Variants in COX17 observed in about 807,000 individuals in gnomAD.
The protein encoded by COX17 is cytochrome c oxidase copper chaperone COX17.
COX17 carries 1 observed loss-of-function variant against 6.3 expected under a neutral mutation model. The ratio of observed to expected loss-of-function variants is 0.16; its 90% CI spans 0.06 to 0.75. The LOEUF (loss-of-function observed/expected upper bound fraction) is 0.75, where lower values mean the gene tolerates loss of function less well. Among genes scored for constraint, COX17 ranks in the 30% least tolerant of loss-of-function variants. The pLI is 0.77. For synonymous variants in COX17, 26 were observed against 30.5 expected (o/e 0.85, Z 0.49); for missense variants, 73 against 81.2 (o/e 0.90, Z 0.39).
intron 2 of COX17, among the ~76,000 whole-genome samples, chr3:119,673,346 G>T (rs1408401977): frequency 6.6e-6 from 1 of 152,184 alleles, no homozygotes; most frequent in Non-Finnish European, 1.5e-5. Context: ...TACTTTCTCA[G>T]AGCTTACATT....
intron 1 of COX17, among the ~76,000 whole-genome samples, chr3:119,676,476 G>A (rs529288983): frequency 4.6e-4 from 70 of 152,362 alleles, no homozygotes; most frequent in South Asian, 2.1e-3. Context: ...TGCTCCACAA[G>A]AGAGGCTATA....
downstream of COX17, among the ~76,000 whole-genome samples, chr3:119,666,109 C>T (rs1013136637): frequency 1.3e-5 from 2 of 149,842 alleles, no homozygotes; most frequent in Non-Finnish European, 3.0e-5. Flanking sequence ...GATATCAAAC[C>T]TGCACATGGA....
chr3:119,672,128 C>G (rs898502797), intron 2 of COX17, among the ~76,000 whole-genome samples: 2 of 152,170 alleles, frequency 1.3e-5, no homozygotes, highest in Non-Finnish European at 2.9e-5. Context: ...ATTTATTTTA[C>G]ATTGAATCAT....
chr3:119,667,995 G>T (rs1425434869), downstream of COX17, among the ~76,000 whole-genome samples: 4 of 152,024 alleles, frequency 2.6e-5, no homozygotes, highest in Admixed American at 6.6e-5. Context: ...AAAAAATAGG[G>T]TATTGGTTAA....
intron 2 of COX17, among the ~76,000 whole-genome samples, chr3:119,673,104 G>C (rs1234638020): frequency 1.3e-5 from 2 of 152,228 alleles, no homozygotes; most frequent in Non-Finnish European, 2.9e-5. Context: ...TAAGTTAAAA[G>C]TGGTAGTGTG....
chr3:119,672,926 T>C (rs1265038012), intron 2 of COX17, among the ~76,000 whole-genome samples: 1 of 152,226 alleles, frequency 6.6e-6, no homozygotes, highest in Non-Finnish European at 1.5e-5. Flanking sequence ...AGTAACTTCT[T>C]ATCAGCTTGC....
chr3:119,667,722 CACACACAGAGAGAG>C (rs1436961096), downstream of COX17, among the ~76,000 whole-genome samples: 5 of 113,994 alleles, frequency 4.4e-5, no homozygotes, highest in Admixed American at 8.9e-5. Context: ...CACACACACA[CACACACAGAGAGAG>C]AGAGACAGAG....
chr3:119,667,855 C>A (rs1388223783), downstream of COX17, among the ~76,000 whole-genome samples: 3 of 152,044 alleles, frequency 2.0e-5, no homozygotes, highest in Admixed American at 2.0e-4. Flanking sequence ...AACAAAAATT[C>A]GGAATTTAGG....
intron 2 of COX17, among the ~76,000 whole-genome samples, chr3:119,673,135 G>A (rs1559735311): frequency 6.6e-6 from 1 of 152,264 alleles, no homozygotes; most frequent in East Asian, 1.9e-4. Flanking sequence ...TAGGGTAGGG[G>A]CAAAAAGCAG....
At position 119,670,752 on chromosome 3, in the gene COX17, T is replaced by G. The variant is rs188418948; in HGVS notation, c.*5-1087A>C. Among the ~76,000 whole-genome samples the G allele has an allele frequency of 6.9e-3, 1,028 of 149,710 alleles. 6 individuals carry two copies. The highest frequency in any genetic ancestry group is 0.034 in the Middle Eastern group (10 of 294). On this transcript the variant is annotated intron_variant, in intron 2 of 2. Coordinates refer to ENST00000261070, the MANE Select transcript of COX17 (RefSeq NM_005694.2). ...GGGATATTTTCATACATGATCAGTT[T>G]TGTGTGTGTGTGTGTGTGTGTGTGT...
chr3:119,668,521 G>A (rs984942731), downstream of COX17, among the ~76,000 whole-genome samples: 5 of 150,224 alleles, frequency 3.3e-5, no homozygotes, highest in African/African-American at 7.3e-5. Context: ...TGACAATCTC[G>A]TAAGTTAGGT....
chr3:119,667,564 A>G (rs559081000), downstream of COX17, among the ~76,000 whole-genome samples: 1 of 152,188 alleles, frequency 6.6e-6, no homozygotes, highest in African/African-American at 2.4e-5. Flanking sequence ...GAAAACACGC[A>G]TGGCCTCTGG....
chr3:119,673,202 G>A (rs2053062518), intron 2 of COX17, among the ~76,000 whole-genome samples: 1 of 152,094 alleles, frequency 6.6e-6, no homozygotes, highest in Admixed American at 6.5e-5. Context: ...CCCACCTTGG[G>A]GGCCATTTCA....
intron 1 of COX17, 77 bp from the exon 2 acceptor site, chr3:119,675,310 G>T: frequency 1.0e-6 from 1 of 996,816 alleles, no homozygotes; most frequent in Non-Finnish European, 1.6e-6. Context: ...GATGGGGAGT[G>T]AGACAAAACA....
chr3:119,674,914 C>A (rs2053084090), intron 2 of COX17: 2 of 466,782 alleles, frequency 4.3e-6, no homozygotes, highest in Non-Finnish European at 7.6e-6. Flanking sequence ...GACCTAAAGG[C>A]TTTTGTCAAA....
At chr3:119,677,026 G>GGCGGGGCGGGGC (rs71156765) in intron 1 of COX17, 178 bp downstream of exon 1, 155 of 217,960 alleles carry the variant, frequency 7.1e-4, no homozygotes, top group Middle Eastern at 1.4e-3. Flanking sequence ...GGCGGGGCGG[G>GGCGGGGCGGGGC]GGGGGGGGGC....
At chr3:119,676,697 T>C (rs2053103595) in intron 1 of COX17, 3 of 608,134 alleles carry the variant, frequency 4.9e-6, no homozygotes, top group Non-Finnish European at 8.9e-6. Context: ...AAACCTTTCC[T>C]GTTTGGTCTT....
At chr3:119,665,033 A>G (rs974632796), downstream of COX17, among the ~76,000 whole-genome samples, 3 of 152,200 alleles carry the variant, frequency 2.0e-5, no homozygotes, top group Admixed American at 6.5e-5. Flanking sequence ...TCTTCAGTTT[A>G]TGCAAATCTA....
downstream of COX17, among the ~76,000 whole-genome samples, chr3:119,667,301 T>C (rs779593942): frequency 2.0e-5 from 3 of 152,178 alleles, no homozygotes; most frequent in Non-Finnish European, 4.4e-5. Flanking sequence ...ACCGAAATGC[T>C]GTACCTCATC....
Sources: allele counts gnomAD v4.1 joint callset (sites outside exome capture counted in the v4.1 genomes callset), GRCh38; gene constraint gnomAD v4.1.1; transcripts MANE v1.5; gene names NCBI Gene and HGNC (gene_info 2026-07-23, HGNC 2026-07-21).